Variants in DSCAM observed in about 807,000 individuals in gnomAD.
DSCAM encodes DS cell adhesion molecule.
In DSCAM, 47 loss-of-function variants were observed where a neutral mutation model predicts 217.7. The ratio of observed to expected loss-of-function variants is 0.22; its 90% CI spans 0.17 to 0.28. DSCAM has a LOEUF of 0.28. DSCAM is among the 10% of genes least tolerant of loss of function. The probability of loss-of-function intolerance (pLI) is 1.00; values close to 1 mark genes in which losing one functional copy is unlikely to be tolerated. For synonymous variants in DSCAM, 1,056 were observed against 1,015.3 expected (o/e 1.04, Z -0.76); for missense variants, 2,080 against 2,618.3 (o/e 0.79, Z 4.49).
chr21:40,018,418 G>A (rs933853836), intron 32 of DSCAM, among the ~76,000 whole-genome samples: 2 of 152,052 alleles, frequency 1.3e-5, no homozygotes, highest in Non-Finnish European at 2.9e-5. Flanking sequence ...AAATGGGACA[G>A]ACATTTACCT....
At chr21:40,598,497 G>GTTTTTTTTTTT (rs71186947) in intron 3 of DSCAM, among the ~76,000 whole-genome samples, 1 of 66,814 alleles carries the variant, frequency 1.5e-5, no homozygotes, top group Non-Finnish European at 2.6e-5. Flanking sequence ...CTGCCAAACT[G>GTTTTTTTTTTT]TTTTTTTTTT....
intron 32 of DSCAM, among the ~76,000 whole-genome samples, chr21:40,025,874 G>C (rs200650033): frequency 6.7e-6 from 1 of 149,936 alleles, no homozygotes; most frequent in African/African-American, 2.5e-5. Context: ...TATTTGCTTC[G>C]GTTCTACTCT....
intron 3 of DSCAM, among the ~76,000 whole-genome samples, chr21:40,420,408 T>C (rs2075412245): frequency 6.6e-6 from 1 of 152,160 alleles, no homozygotes; most frequent in Non-Finnish European, 1.5e-5. Context: ...TATTTATAAT[T>C]CAGAAAATCA....
intron 9 of DSCAM, among the ~76,000 whole-genome samples, chr21:40,297,984 T>C (rs893376634): frequency 4.6e-5 from 7 of 152,170 alleles, no homozygotes; most frequent in African/African-American, 2.4e-5. Flanking sequence ...GTTAAGATGA[T>C]CAAATAAATT....
At chr21:40,125,230 C>G (rs1480880812) in intron 19 of DSCAM, among the ~76,000 whole-genome samples, 1 of 152,168 alleles carries the variant, frequency 6.6e-6, no homozygotes, top group South Asian at 2.1e-4. Context: ...CAATACTAAG[C>G]ATGATTTGGG....
At chr21:40,653,460 G>T (rs939747870) in intron 3 of DSCAM, among the ~76,000 whole-genome samples, 3 of 152,134 alleles carry the variant, frequency 2.0e-5, no homozygotes, top group South Asian at 2.1e-4. Context: ...TTGTGGAGAG[G>T]CTTTATATTA....
At chr21:40,835,253 G>A (rs935879728) in intron 1 of DSCAM, among the ~76,000 whole-genome samples, 1 of 152,270 alleles carries the variant, frequency 6.6e-6, no homozygotes, top group Middle Eastern at 3.4e-3. Context: ...GCAGAAAGAT[G>A]GGAAAAGATT....
chr21:40,017,541 C>G (rs2088180598), intron 32 of DSCAM, among the ~76,000 whole-genome samples: 1 of 150,350 alleles, frequency 6.7e-6, no homozygotes, highest in African/African-American at 2.5e-5. Flanking sequence ...TAATAAATAC[C>G]TAGACAATAA....
At chr21:40,266,217 G>GGCC (rs2073524819) in intron 11 of DSCAM, among the ~76,000 whole-genome samples, 1 of 138,566 alleles carries the variant, frequency 7.2e-6, no homozygotes, top group African/African-American at 3.0e-5. Flanking sequence ...CTCAAAAGAA[G>GGCC]ATATACAAAT....
At position 40,294,772 on chromosome 21, in the gene DSCAM, T is replaced by C. The variant is rs76173648; in HGVS notation, c.2182+1283A>G. Among the ~76,000 whole-genome samples the C allele has an allele frequency of 1.2e-4, 18 of 152,308 alleles. No homozygotes were observed. The East Asian group carries it at 2.9e-3, about 25-fold the overall frequency. ...ATGTTTATCTGTTTCCATGTAATAA[T>C]GCACAATGGAGCTTCAAATACGGCA... On this transcript the variant is annotated intron_variant, in intron 10 of 32. Coordinates refer to ENST00000400454, the MANE Select transcript of DSCAM (RefSeq NM_001389.5).
intron 19 of DSCAM, among the ~76,000 whole-genome samples, chr21:40,127,642 C>T (rs2090109481): frequency 6.6e-6 from 1 of 152,168 alleles, no homozygotes; most frequent in Admixed American, 6.5e-5. Flanking sequence ...CACACGGGCA[C>T]CTTAGACCGA....
At chr21:40,764,913 G>A (rs2091372045) in intron 1 of DSCAM, among the ~76,000 whole-genome samples, 1 of 151,996 alleles carries the variant, frequency 6.6e-6, no homozygotes, top group Non-Finnish European at 1.5e-5. Context: ...GAACACAGGG[G>A]CACAGAGAGG....
At chr21:40,031,987 T>C (rs576669076) in intron 32 of DSCAM, among the ~76,000 whole-genome samples, 2 of 152,318 alleles carry the variant, frequency 1.3e-5, no homozygotes, top group African/African-American at 4.8e-5. Flanking sequence ...TCTCCAGCCT[T>C]CAACTTTCTG....
chr21:40,184,074 C>T (rs963949444), intron 14 of DSCAM, among the ~76,000 whole-genome samples: 1 of 152,084 alleles, frequency 6.6e-6, no homozygotes, highest in Non-Finnish European at 1.5e-5. Context: ...TAGTCACAAG[C>T]CCACCAAGTG....
At chr21:40,258,408 C>T (rs574166405) in intron 11 of DSCAM, among the ~76,000 whole-genome samples, 4 of 152,196 alleles carry the variant, frequency 2.6e-5, no homozygotes, top group South Asian at 2.1e-4. Flanking sequence ...AAAATGATGC[C>T]AAACCATAAA....
At chr21:40,417,266 ACATGTG>A (rs1202973424) in intron 3 of DSCAM, among the ~76,000 whole-genome samples, 11 of 152,194 alleles carry the variant, frequency 7.2e-5, no homozygotes, top group Non-Finnish European at 1.5e-4. Context: ...GTTTTAGGGT[ACATGTG>A]CACAATGTGC....
At chr21:40,459,819 A>C (rs1157483651) in intron 3 of DSCAM, among the ~76,000 whole-genome samples, 3 of 99,862 alleles carry the variant, frequency 3.0e-5, no homozygotes, top group Middle Eastern at 5.6e-3. Flanking sequence ...CCCCCCACCC[A>C]AAAAAAAAGA....
intron 20 of DSCAM, among the ~76,000 whole-genome samples, chr21:40,117,157 T>C (rs936399766): frequency 6.6e-6 from 1 of 152,188 alleles, no homozygotes; most frequent in Admixed American, 6.5e-5. Context: ...ACACAATTTC[T>C]TGCCTTATTA....
chr21:40,798,184 A>G (rs2091708194), intron 1 of DSCAM, among the ~76,000 whole-genome samples: 1 of 152,120 alleles, frequency 6.6e-6, no homozygotes. Context: ...TGGTTAGTTA[A>G]GGACTAAAAA....
Sources: gnomAD v4.1 joint callset for allele counts (sites outside exome capture counted in the v4.1 genomes callset) on GRCh38, gnomAD v4.1.1 for gene constraint, MANE v1.5 for transcripts, NCBI Gene and HGNC (gene_info 2026-07-23, HGNC 2026-07-21) for gene names.